The following RCAN2 variants were observed in gnomAD, a reference collection of about 807,000 sequenced individuals.
RCAN2 encodes the protein regulator of calcineurin 2.
RCAN2 carries 9 observed loss-of-function variants against 23.6 expected under a neutral mutation model. The ratio of observed to expected loss-of-function variants is 0.38; its 90% CI spans 0.23 to 0.67. The LOEUF is 0.67. Among genes scored for constraint, RCAN2 ranks in the 30% least tolerant of loss-of-function variants. The pLI, the probability that RCAN2 is intolerant of heterozygous loss-of-function variation, is 0.51. For synonymous variants in RCAN2, 109 were observed against 115.7 expected, an observed-to-expected ratio of 0.94 and a Z score of 0.37; for missense variants, 273 against 302.3, an observed-to-expected ratio of 0.90 and a Z score of 0.72.
At position 46,316,112 on chromosome 6, in the gene RCAN2, GA is replaced by G. The variant is rs1211297908; in HGVS notation, c.226-67217del. Reference sequence around the variant, plus strand: ...TGCTGCCCCTGTGCAAAGATGAGTTGAAAACTGCAGGGGAAGAGTTTGATAT... The same window carrying G: ...TGCTGCCCCTGTGCAAAGATGAGTTGAAACTGCAGGGGAAGAGTTTGATAT... On this transcript the variant is annotated intron_variant, in intron 2 of 4. Transcript: ENST00000371374. Among the ~76,000 whole-genome samples, 20 of 152,250 alleles carry G rather than the reference GA, an allele frequency of 1.3e-4. No homozygotes were observed. In the South Asian group the frequency reaches 3.7e-3, roughly 28 times the overall value.
chr6:46,434,521 G>A (rs1767312540), intron 2 of RCAN2, among the ~76,000 whole-genome samples: 1 of 152,180 alleles, frequency 6.6e-6, no homozygotes, highest in South Asian at 2.1e-4. Flanking sequence ...AGCTCATAAA[G>A]AGAGGACTTG....
At chr6:46,331,729 A>C (rs1032436309) in intron 2 of RCAN2, among the ~76,000 whole-genome samples, 1 of 152,232 alleles carries the variant, frequency 6.6e-6, no homozygotes, top group South Asian at 2.1e-4. Context: ...GGTATTGTTT[A>C]TAAGCCTTTT....
intron 1 of RCAN2, among the ~76,000 whole-genome samples, chr6:46,483,897 C>G (rs1768929245): frequency 6.6e-6 from 1 of 152,168 alleles, no homozygotes; most frequent in African/African-American, 2.4e-5. Context: ...AGAAATTTTG[C>G]TGTTGAGCAA....
chr6:46,458,136 T>A (rs988957258), intron 1 of RCAN2, among the ~76,000 whole-genome samples: 1 of 152,208 alleles, frequency 6.6e-6, no homozygotes, highest in African/African-American at 2.4e-5. Context: ...AGCTCCATGT[T>A]CTTCAGTCCC....
chr6:46,345,868 T>C (rs1189905459), intron 2 of RCAN2, among the ~76,000 whole-genome samples: 2 of 152,220 alleles, frequency 1.3e-5, no homozygotes, highest in Non-Finnish European at 2.9e-5. Flanking sequence ...AATATAGTTG[T>C]CTTTCATAAT....
chr6:46,255,702 C>T (rs559699410), intron 2 of RCAN2, among the ~76,000 whole-genome samples: 8 of 152,116 alleles, frequency 5.3e-5, no homozygotes, highest in African/African-American at 1.9e-4. Flanking sequence ...TGAGGGACAA[C>T]CATGAGCCAG....
In RCAN2 at chr6:46,468,804, A is replaced by T. The variant is rs1015649731; in HGVS notation, c.-2-11826T>A. On this transcript the variant is annotated intron_variant, in intron 1 of 4. Coordinates refer to ENST00000371374, the MANE Select transcript of RCAN2 (RefSeq NM_001251974.2). Reference sequence around the variant, plus strand: ...ATGTTCCAGAGCCTTGCTCACCTTTAATCAGCACTTTCTCAACTTGAGTGA... The same window carrying T: ...ATGTTCCAGAGCCTTGCTCACCTTTTATCAGCACTTTCTCAACTTGAGTGA... The T allele has an allele frequency of 1.0e-5, 10 of 985,068 alleles. No individual in the cohort carries two copies. In the Admixed American group the frequency reaches 4.9e-4, roughly 48 times the overall value. The allele number at this position is 985,068 out of a possible 1,614,324, so 61.0% of individuals were successfully genotyped here.
At chr6:46,342,223 T>C (rs1193150184) in intron 2 of RCAN2, among the ~76,000 whole-genome samples, 1 of 152,098 alleles carries the variant, frequency 6.6e-6, no homozygotes, top group Non-Finnish European at 1.5e-5. Flanking sequence ...AGCCCTGGAA[T>C]AGGAATAAGT....
chr6:46,411,712 A>G (rs577764372), intron 2 of RCAN2, among the ~76,000 whole-genome samples: 1 of 152,218 alleles, frequency 6.6e-6, no homozygotes, highest in African/African-American at 2.4e-5. Context: ...AGGATGAGTC[A>G]GTGAAGCTGA....
chr6:46,364,201 G>A (rs1765099055), intron 2 of RCAN2, among the ~76,000 whole-genome samples: 1 of 152,046 alleles, frequency 6.6e-6, no homozygotes, highest in Admixed American at 6.5e-5. Flanking sequence ...TCTTTATGTT[G>A]GCTAACCTTT....
Position 46,232,518 on chromosome 6 carries a change from G to A in RCAN2, c.572-9217C>T, listed in dbSNP as rs139816088. Among the ~76,000 whole-genome samples the A allele has an allele frequency of 5.7e-3, 873 of 152,132 alleles. 8 individuals carry two copies. The highest frequency in any genetic ancestry group is 0.02 in the African/African-American group (823 of 41,514). On this transcript the variant is annotated intron_variant, in intron 4 of 4. Coordinates refer to ENST00000371374, the MANE Select transcript of RCAN2 (RefSeq NM_001251974.2). ...ATTAAAAAAAGAGTTTAGGTCGGGC[G>A]TGGTGTCTCATGCCTGTAATGCCAG...
intron 2 of RCAN2, among the ~76,000 whole-genome samples, chr6:46,443,058 A>T (rs2150423796): frequency 6.6e-6 from 1 of 152,338 alleles, no homozygotes; most frequent in African/African-American, 2.4e-5. Flanking sequence ...TAACCTCCAG[A>T]GTACAATGAT....
intron 1 of RCAN2, among the ~76,000 whole-genome samples, chr6:46,462,846 A>G (rs1201670483): frequency 2.0e-5 from 3 of 152,096 alleles, no homozygotes; most frequent in Admixed American, 6.5e-5. Flanking sequence ...GAATTGCAGA[A>G]TTCTAAAAAA....
At chr6:46,453,242 T>C (rs1767929244) in intron 2 of RCAN2, among the ~76,000 whole-genome samples, 1 of 152,176 alleles carries the variant, frequency 6.6e-6, no homozygotes, top group Admixed American at 6.5e-5. Context: ...CAGTTTTAAA[T>C]GTGTTTCATA....
At chr6:46,468,735 C>T in intron 1 of RCAN2, 1 of 809,244 alleles carries the variant, frequency 1.2e-6, no homozygotes, top group Non-Finnish European at 1.5e-6. Context: ...GATTCCCTCT[C>T]TCCCCTCTCT....
chr6:46,455,560 A>T (rs1429933594), intron 2 of RCAN2, among the ~76,000 whole-genome samples: 2 of 147,136 alleles, frequency 1.4e-5, no homozygotes, highest in Non-Finnish European at 3.0e-5. Flanking sequence ...TTTAGTTTAG[A>T]AAAAAAAAAG....
intron 2 of RCAN2, among the ~76,000 whole-genome samples, chr6:46,317,508 C>A (rs9472736): frequency 0.037 from 5,630 of 152,168 alleles, 352 homozygotes; most frequent in African/African-American, 0.13. Context: ...GTCGCCCAGG[C>A]TGGAGTGCAG....
At position 46,488,503 on chromosome 6, in the gene RCAN2, C is replaced by A. The variant is rs146309205; in HGVS notation, c.-3+2670G>T. 2.4e-3 allele frequency among the ~76,000 whole-genome samples: 372 copies of A among 152,262 alleles called. 2 individuals carry two copies. Among genetic ancestry groups the A allele is most frequent in the African/African-American group, 8.5e-3 (355 of 41,552 alleles). On this transcript the variant is annotated intron_variant, in intron 1 of 4. Coordinates refer to ENST00000371374, the MANE Select transcript of RCAN2 (RefSeq NM_001251974.2). ...CCACTTTTGGGGATAAAGGTAGAAA[C>A]AACTTCCTGCTATTAAGTTTGTCTC...
chr6:46,266,140 C>T (rs142834588), intron 2 of RCAN2, among the ~76,000 whole-genome samples: 1 of 152,216 alleles, frequency 6.6e-6, no homozygotes, highest in East Asian at 1.9e-4. Context: ...TAATCAGTAG[C>T]CCATTGAAGT....
Sources: gnomAD v4.1 joint callset for allele counts (sites outside exome capture counted in the v4.1 genomes callset) on GRCh38, gnomAD v4.1.1 for gene constraint, MANE v1.5 for transcripts, NCBI Gene and HGNC (gene_info 2026-07-23, HGNC 2026-07-21) for gene names.